The following COMMD10 variants were observed in gnomAD, a reference collection of about 807,000 sequenced individuals.
COMMD10 encodes COMM domain containing 10.
In COMMD10, 33 loss-of-function variants were observed where a neutral mutation model predicts 28.9. The ratio of observed to expected loss-of-function variants is 1.14; its 90% CI spans 0.87 to 1.53. The LOEUF (loss-of-function observed/expected upper bound fraction) is 1.53, where lower values mean the gene tolerates loss of function less well. COMMD10 is among the 40% of genes most tolerant of loss of function. The probability of loss-of-function intolerance (pLI) is 0.00; values close to 1 mark genes in which losing one functional copy is unlikely to be tolerated. For synonymous variants in COMMD10, 110 were observed against 81.7 expected, an observed-to-expected ratio of 1.35 and a Z score of -1.87; for missense variants, 310 against 233.4, an observed-to-expected ratio of 1.33 and a Z score of -2.14.
At chr5:116,184,090 C>A (rs1260969106) in intron 5 of COMMD10, among the ~76,000 whole-genome samples, 2 of 152,016 alleles carry the variant, frequency 1.3e-5, no homozygotes, top group South Asian at 2.1e-4. Context: ...GGAACAAATA[C>A]TATTAATGAC....
chr5:116,114,642 A>G (rs1301957936), intron 4 of COMMD10, among the ~76,000 whole-genome samples: 2 of 152,180 alleles, frequency 1.3e-5, no homozygotes, highest in African/African-American at 4.8e-5. Context: ...TTGTCCTATG[A>G]AATGCTTGCA....
At chr5:116,203,735 A>C (rs564262538) in intron 5 of COMMD10, among the ~76,000 whole-genome samples, 69 of 152,292 alleles carry the variant, frequency 4.5e-4, no homozygotes, top group African/African-American at 1.6e-3. Context: ...GAGCTCCTGA[A>C]GGAAGCACTA....
chr5:116,203,029 T>G (rs1213719888), intron 5 of COMMD10, among the ~76,000 whole-genome samples: 1 of 151,872 alleles, frequency 6.6e-6, no homozygotes, highest in Non-Finnish European at 1.5e-5. Flanking sequence ...GGTCTAACAT[T>G]TAAGTCTTGA....
At chr5:116,208,203 C>G (rs775978183) in intron 5 of COMMD10, among the ~76,000 whole-genome samples, 6 of 152,168 alleles carry the variant, frequency 3.9e-5, no homozygotes, top group Non-Finnish European at 7.3e-5. Context: ...AGGGAACATA[C>G]AGGTTAGTAT....
chr5:116,170,553 G>C (rs1401662268), intron 5 of COMMD10, among the ~76,000 whole-genome samples: 2 of 152,084 alleles, frequency 1.3e-5, no homozygotes, highest in Non-Finnish European at 2.9e-5. Context: ...AAAGAACAAA[G>C]CTGGAGGCAT....
intron 5 of COMMD10, among the ~76,000 whole-genome samples, chr5:116,139,593 CT>C (rs33975864): frequency 0.32 from 47,493 of 148,142 alleles, 10,287 homozygotes; most frequent in African/African-American, 0.62. Context: ...CTGCATTTTC[CT>C]TTTTTTTTTC....
intron 5 of COMMD10, among the ~76,000 whole-genome samples, chr5:116,134,669 G>T (rs1011082715): frequency 6.6e-6 from 1 of 152,180 alleles, no homozygotes; most frequent in Non-Finnish European, 1.5e-5. Flanking sequence ...CGCCCAGGTT[G>T]GAGTGCAGTG....
intron 5 of COMMD10, among the ~76,000 whole-genome samples, chr5:116,166,766 A>G (rs1753112744): frequency 6.6e-6 from 1 of 152,190 alleles, no homozygotes; most frequent in East Asian, 1.9e-4. Context: ...ACTGTTAGAA[A>G]GAAAACTAAC....
intron 5 of COMMD10, among the ~76,000 whole-genome samples, chr5:116,269,479 A>T (rs550009120): frequency 6.6e-6 from 1 of 151,978 alleles, no homozygotes; most frequent in Admixed American, 6.6e-5. Flanking sequence ...AGGTAGTAAA[A>T]TAAAAAATCT....
At chr5:116,107,349 C>T (rs574889826) in intron 4 of COMMD10, among the ~76,000 whole-genome samples, 2 of 152,302 alleles carry the variant, frequency 1.3e-5, no homozygotes, top group East Asian at 3.9e-4. Context: ...CACATAGTCC[C>T]ATATTTCTTG....
chr5:116,218,853 C>T (rs991769801), intron 5 of COMMD10, among the ~76,000 whole-genome samples: 6 of 152,030 alleles, frequency 3.9e-5, no homozygotes, highest in African/African-American at 1.5e-4. Context: ...TTGACTCTAC[C>T]CCCATATTAA....
At chr5:116,159,205 C>G (rs751438552) in intron 5 of COMMD10, among the ~76,000 whole-genome samples, 20 of 152,274 alleles carry the variant, frequency 1.3e-4, no homozygotes, top group South Asian at 4.2e-4. Flanking sequence ...TGTAAGAACC[C>G]ACATGATCTA....
intron 5 of COMMD10, among the ~76,000 whole-genome samples, chr5:116,198,842 A>G (rs188919765): frequency 6.6e-5 from 10 of 152,172 alleles, no homozygotes; most frequent in African/African-American, 2.2e-4. Context: ...ACCACAGTTT[A>G]TTTATTCATT....
intron 5 of COMMD10, among the ~76,000 whole-genome samples, chr5:116,210,320 T>TTATATA (rs143226891): frequency 6.7e-6 from 1 of 150,234 alleles, no homozygotes; most frequent in Non-Finnish European, 1.5e-5. Context: ...ATGTATGTAT[T>TTATATA]TATATATATA....
At chr5:116,227,384 G>A (rs946939386) in intron 5 of COMMD10, among the ~76,000 whole-genome samples, 4 of 151,988 alleles carry the variant, frequency 2.6e-5, no homozygotes, top group Middle Eastern at 6.8e-3. Flanking sequence ...TTCTCCATCA[G>A]TTCATTTTAG....
At chr5:116,170,241 G>C (rs922929465) in intron 5 of COMMD10, among the ~76,000 whole-genome samples, 2 of 152,116 alleles carry the variant, frequency 1.3e-5, no homozygotes, top group African/African-American at 4.8e-5. Flanking sequence ...ATTCACAATT[G>C]CTACAGAGAG....
intron 5 of COMMD10, among the ~76,000 whole-genome samples, chr5:116,217,686 A>G (rs1445970081): frequency 6.6e-6 from 1 of 152,178 alleles, no homozygotes; most frequent in East Asian, 1.9e-4. Flanking sequence ...AAGGGAGAAG[A>G]GAGATAAAAA....
intron 5 of COMMD10, among the ~76,000 whole-genome samples, chr5:116,225,636 T>A (rs980824477): frequency 6.6e-6 from 1 of 152,104 alleles, no homozygotes; most frequent in African/African-American, 2.4e-5. Context: ...CTCATCTTCT[T>A]TGTTGTTTCT....
In COMMD10 at chr5:116,238,666, A is replaced by G. The variant is rs143724457; in HGVS notation, c.511-52851A>G. Among the ~76,000 whole-genome samples, 41 of 152,300 alleles carry G rather than the reference A, an allele frequency of 2.7e-4. 1 individual carries two copies. Among genetic ancestry groups the G allele is most frequent in the African/African-American group, 9.1e-4 (38 of 41,572 alleles). On this transcript the variant is annotated intron_variant, in intron 5 of 6. Transcript: ENST00000274458. Reference sequence around the variant, plus strand: ...GTTCATATTCAATTTAACAACATCAATTCTACTTAAGACATAAAAATCTAT... The same window carrying G: ...GTTCATATTCAATTTAACAACATCAGTTCTACTTAAGACATAAAAATCTAT...
Sources: allele counts gnomAD v4.1 joint callset (sites outside exome capture counted in the v4.1 genomes callset), GRCh38; gene constraint gnomAD v4.1.1; transcripts MANE v1.5; gene names NCBI Gene and HGNC (gene_info 2026-07-23, HGNC 2026-07-21).